The following SLC39A14 variants were observed in gnomAD, a reference collection of about 807,000 sequenced individuals.
SLC39A14 encodes metal cation symporter ZIP14.
A neutral mutation model predicts 45.5 loss-of-function variants in SLC39A14; 19 were observed. That is an observed-to-expected ratio of 0.42 (90% CI 0.29 to 0.61). The LOEUF is 0.61. SLC39A14 is among the 20% of genes least tolerant of loss of function. The pLI is 0.22. For missense variants in SLC39A14, 447 were observed against 616.5 expected, an observed-to-expected ratio of 0.73 and a Z score of 2.91; for synonymous variants, 264 against 251.3, an observed-to-expected ratio of 1.05 and a Z score of -0.48.
chr8:22,390,694 G>A (rs112580489), intron 1 of SLC39A14: 4,602 of 155,478 alleles, frequency 0.03, 218 homozygotes, highest in African/African-American at 0.1. Context: ...CCAGCTGAAA[G>A]GCTTTTTAAA....
intron 3 of SLC39A14, chr8:22,410,231 A>G: frequency 9.4e-7 from 1 of 1,060,654 alleles, no homozygotes; most frequent in Non-Finnish European, 1.4e-6. Flanking sequence ...CTGAGAAATG[A>G]ACCTGTCCCT....
intron 8 of SLC39A14, among the ~76,000 whole-genome samples, chr8:22,433,065 A>G (rs1217180368): frequency 6.6e-6 from 1 of 151,986 alleles, no homozygotes; most frequent in Non-Finnish European, 1.5e-5. Context: ...CAGCCTCCCA[A>G]AGTGCTGGGA....
chr8:22,388,156 T>C (rs913615882), intron 1 of SLC39A14, among the ~76,000 whole-genome samples: 1 of 152,224 alleles, frequency 6.6e-6, no homozygotes, highest in Non-Finnish European at 1.5e-5. Flanking sequence ...TAGGACCATA[T>C]GACACTGAAA....
chr8:22,387,952 G>A (rs776102763), intron 1 of SLC39A14, among the ~76,000 whole-genome samples: 18 of 152,218 alleles, frequency 1.2e-4, no homozygotes, highest in African/African-American at 3.9e-4. Flanking sequence ...AAAAAATTTA[G>A]CCGGGTGTGG....
In SLC39A14 at chr8:22,421,399, A is replaced by T. The variant is rs1308157660; in HGVS notation, c.*1701A>T. On this transcript the variant is annotated 3_prime_UTR_variant, in exon 9 of 9. Coordinates refer to ENST00000381237, the MANE Select transcript of SLC39A14 (RefSeq NM_001128431.4). ...GATACTTTTTTTAAGTTTTGTTTTTATCTTGCCTGTTGGCTTCAATACATT... is the reference window on the plus strand; with the variant it reads ...GATACTTTTTTTAAGTTTTGTTTTTTTCTTGCCTGTTGGCTTCAATACATT... 2.0e-6 allele frequency: 2 copies of T among 985,764 alleles called. No individual in the cohort carries two copies. The highest frequency in any genetic ancestry group is 2.4e-6 in the Non-Finnish European group (2 of 829,944). 61.1% of individuals were successfully genotyped at this position (985,764 alleles called of 1,614,324 possible).
chr8:22,416,525 A>G (rs934654872), intron 7 of SLC39A14, among the ~76,000 whole-genome samples: 2 of 151,964 alleles, frequency 1.3e-5, no homozygotes, highest in Non-Finnish European at 2.9e-5. Flanking sequence ...CCTGGGTTCA[A>G]GCGATTCTCC....
At position 22,412,028 on chromosome 8, in the gene SLC39A14, G is replaced by A. The variant is rs541283008; in HGVS notation, c.458-9G>A. The A allele has an allele frequency of 9.6e-4, 1,489 of 1,548,986 alleles. 1 individual carries two copies. The highest frequency in any genetic ancestry group is 1.2e-3 in the Non-Finnish European group (1,374 of 1,146,426). ...CCTGGGTGGGGCTGGCCCTCCCTCC[G>A]CACGGCAGTGTGGGGATACGGTCTC... is the stretch of plus-strand genomic sequence containing the variant. On this transcript the variant is annotated splice_polypyrimidine_tract_variant and intron_variant, in intron 3 of 8. Coordinates refer to ENST00000381237, the MANE Select transcript of SLC39A14 (RefSeq NM_001128431.4).
In SLC39A14 at chr8:22,432,324, C is replaced by A. The variant is rs1836478256; in HGVS notation, c.1333-1567C>A. Among the ~76,000 whole-genome samples the A allele has an allele frequency of 3.3e-5, 5 of 152,060 alleles. No individual in the cohort carries two copies. The South Asian group carries it at 1.0e-3, about 32-fold the overall frequency. On this transcript the variant is annotated intron_variant, in intron 8 of 8. Transcript: ENST00000240095. ...CTCCAGCTTGGGCGACAGAGCAAGA[C>A]CCTGTCTCAATAAATAAACATATAA...
chr8:22,426,489 A>C (rs6558056), downstream of SLC39A14, among the ~76,000 whole-genome samples: 1 of 152,172 alleles, frequency 6.6e-6, no homozygotes, highest in East Asian at 1.9e-4. Flanking sequence ...CATTGCACCC[A>C]GACTCTCTAG....
In SLC39A14 at chr8:22,419,340, C is replaced by A. The variant is rs530557284; in HGVS notation, c.1333-212C>A. 1.3e-5 allele frequency among the ~76,000 whole-genome samples: 2 copies of A among 152,224 alleles called. 1 individual carries two copies. Among genetic ancestry groups the A allele is most frequent in the East Asian group, 3.9e-4 (2 of 5,160 alleles). ...CTGGGACTACAGGCCTGCGCCACCA[C>A]GCCCAGCTAATTTTTATGTTTTTAG... On this transcript the variant is annotated intron_variant, in intron 8 of 8. Coordinates refer to ENST00000381237, the MANE Select transcript of SLC39A14 (RefSeq NM_001128431.4).
chr8:22,410,878 A>G (rs1835529660), intron 3 of SLC39A14, among the ~76,000 whole-genome samples: 1 of 152,202 alleles, frequency 6.6e-6, no homozygotes, highest in Non-Finnish European at 1.5e-5. Flanking sequence ...GGGTGAGGAT[A>G]CGCAGACGTG....
intron 1 of SLC39A14, among the ~76,000 whole-genome samples, chr8:22,399,689 C>A: frequency 6.6e-6 from 1 of 152,262 alleles, no homozygotes; most frequent in East Asian, 1.9e-4. Context: ...GATGGTACAA[C>A]TTGAAGGTGC....
At position 22,415,708 on chromosome 8, in the gene SLC39A14, G is replaced by A. The variant is rs978658900; in HGVS notation, c.751-61G>A. 4 of 1,511,832 alleles carry A rather than the reference G, an allele frequency of 2.6e-6. No homozygotes were observed. In the Admixed American group the frequency reaches 6.3e-5, roughly 24 times the overall value. 93.7% of individuals were successfully genotyped at this position (1,511,832 alleles called of 1,614,324 possible). A position where few individuals can be genotyped will look rare whatever the true frequency, so the allele number is the denominator to read the frequency against. ...TGTGAAGCACTTCCTTGGAGCAGGT[G>A]CTCAATCAGGTTTGTGGTTTTGGTG... On this transcript the variant is annotated intron_variant, in intron 5 of 8. Coordinates refer to ENST00000381237, the MANE Select transcript of SLC39A14 (RefSeq NM_001128431.4).
chr8:22,408,548 A>T, intron 3 of SLC39A14, 52 bp downstream of exon 3: 1 of 1,531,138 alleles, frequency 6.5e-7, no homozygotes, highest in Non-Finnish European at 8.8e-7. Context: ...CCCGCGTCTC[A>T]CAAGGACCCC....
At chr8:22,377,335 T>G (rs1354269708) in intron 1 of SLC39A14, among the ~76,000 whole-genome samples, 1 of 152,140 alleles carries the variant, frequency 6.6e-6, no homozygotes, top group Non-Finnish European at 1.5e-5. Context: ...AGGCTCATCT[T>G]GTAACTTCGC....
intron 1 of SLC39A14, among the ~76,000 whole-genome samples, chr8:22,392,558 G>C (rs1834139369): frequency 6.6e-6 from 1 of 152,226 alleles, no homozygotes; most frequent in South Asian, 2.1e-4. Flanking sequence ...CTGACAAATG[G>C]GAGTGAACTT....
downstream of SLC39A14, among the ~76,000 whole-genome samples, chr8:22,423,382 CT>C (rs1836320283): frequency 6.6e-6 from 1 of 150,824 alleles, no homozygotes; most frequent in South Asian, 2.1e-4. Context: ...ATTGCCCAGG[CT>C]GGAGTGCAAT....
At position 22,419,665 on chromosome 8, in the gene SLC39A14, C is replaced by T. The variant is rs368404239; in HGVS notation, c.1446C>T (p.Leu482=). ...CTGGATTCACCATCATGGTGGTCCT[C>T]ACCATGTATTCAGGACAGATCCAGA... is the stretch of plus-strand genomic sequence containing the variant. ...LLTGFTIMVV[L]TMYSGQIQIG Residue 482 remains leucine, a synonymous_variant, in exon 9 of 9, where the codon CTC becomes CTT. Transcript: ENST00000381237. The T allele has an allele frequency of 2.5e-6, 4 of 1,613,780 alleles. No homozygotes were observed. The highest frequency in any genetic ancestry group is 2.2e-5 in the East Asian group (1 of 44,880).
chr8:22,424,043 C>T (rs1347554851), downstream of SLC39A14, among the ~76,000 whole-genome samples: 1 of 151,936 alleles, frequency 6.6e-6, no homozygotes, highest in African/African-American at 2.4e-5. Flanking sequence ...CTCTTGGCCT[C>T]CCAAAGTGCT....
Sources: allele counts gnomAD v4.1 joint callset (sites outside exome capture counted in the v4.1 genomes callset), GRCh38; gene constraint gnomAD v4.1.1; transcripts MANE v1.5; gene names NCBI Gene and HGNC (gene_info 2026-07-23, HGNC 2026-07-21).